C21orf91: variants seen among roughly 807,000 people sequenced by gnomAD.
The protein encoded by C21orf91 is chromosome 21 open reading frame 91.
Under a neutral mutation model 32.9 loss-of-function variants are expected in C21orf91, and 26 were observed. The observed-to-expected ratio is 0.79, with a 90% CI of 0.58 to 1.10. The LOEUF (loss-of-function observed/expected upper bound fraction) is 1.10. Among genes scored for constraint, C21orf91 ranks in the 50% least tolerant of loss-of-function variants. C21orf91 has a pLI of 0.00. For missense variants in C21orf91, 310 were observed against 341.3 expected (o/e 0.91, Z 0.72); for synonymous variants, 126 against 120.4 (o/e 1.05, Z -0.31).
At chr21:17,816,626 G>A (rs944745687) in intron 2 of C21orf91, among the ~76,000 whole-genome samples, 1 of 152,178 alleles carries the variant, frequency 6.6e-6, no homozygotes, top group African/African-American at 2.4e-5. Context: ...TTCTTAGGTC[G>A]CCAAGGTTCA....
At position 17,789,512 on chromosome 21, in the gene C21orf91, A is replaced by G. The variant is rs1308556090; in HGVS notation, c.*3903T>C. On this transcript the variant is annotated 3_prime_UTR_variant, in exon 5 of 5. Coordinates refer to ENST00000284881, the MANE Select transcript of C21orf91 (RefSeq NM_001100420.2). The stretch of plus-strand genomic sequence containing the variant: ...CATGAATTTTTGTTTACTTTGGTAA[A>G]CTTAAAATTGTGAAATAATTAAATA... 6.6e-6 allele frequency: 1 copy of G among 152,122 alleles called. No homozygotes were observed. The highest frequency in any genetic ancestry group is 2.4e-5 in the African/African-American group (1 of 41,440). 9.4% of individuals were successfully genotyped at this position (152,122 alleles called of 1,614,324 possible).
chr21:17,800,498 GAAAC>G (rs1363964073), intron 2 of C21orf91, among the ~76,000 whole-genome samples: 1 of 152,142 alleles, frequency 6.6e-6, no homozygotes, highest in African/African-American at 2.4e-5. Context: ...TATTATAGCA[GAAAC>G]AACCATTGCT....
chr21:17,805,619 A>C (rs1289250973), intron 2 of C21orf91, among the ~76,000 whole-genome samples: 1 of 152,090 alleles, frequency 6.6e-6, no homozygotes, highest in Non-Finnish European at 1.5e-5. Context: ...CAGCTAGCGT[A>C]CTGATATATT....
intron 2 of C21orf91, among the ~76,000 whole-genome samples, chr21:17,804,331 C>T (rs1042518521): frequency 6.6e-6 from 1 of 152,132 alleles, no homozygotes; most frequent in Non-Finnish European, 1.5e-5. Context: ...ATCTACTTCC[C>T]ACAAAAGGAC....
At chr21:17,802,465 G>T (rs1256639353) in intron 2 of C21orf91, among the ~76,000 whole-genome samples, 1 of 152,158 alleles carries the variant, frequency 6.6e-6, no homozygotes, top group African/African-American at 2.4e-5. Flanking sequence ...GGATCACAGT[G>T]GCGTGAGCCA....
At chr21:17,813,714 T>C (rs2062647473) in intron 2 of C21orf91, among the ~76,000 whole-genome samples, 3 of 152,260 alleles carry the variant, frequency 2.0e-5, no homozygotes, top group Admixed American at 2.0e-4. Context: ...GCATTCCAAA[T>C]AACAAAAATC....
At chr21:17,799,140 T>C (rs2062541625) in intron 2 of C21orf91, among the ~76,000 whole-genome samples, 1 of 152,160 alleles carries the variant, frequency 6.6e-6, no homozygotes, top group African/African-American at 2.4e-5. Context: ...TATTGTTATA[T>C]TTTGTGGGTT....
chr21:17,794,148 T>C (rs2062499817), intron 4 of C21orf91, among the ~76,000 whole-genome samples: 1 of 152,234 alleles, frequency 6.6e-6, no homozygotes, highest in African/African-American at 2.4e-5. Context: ...CTACTACAAC[T>C]ATTATTGTGA....
At position 17,789,050 on chromosome 21, in the gene C21orf91, A is replaced by T. The variant is rs1053639974; in HGVS notation, c.*4365T>A. 1 of 152,186 alleles carries T rather than the reference A, an allele frequency of 6.6e-6. No homozygotes were observed. Among genetic ancestry groups the T allele is most frequent in the Admixed American group, 6.5e-5 (1 of 15,268 alleles). 9.4% of individuals were successfully genotyped at this position (152,186 alleles called of 1,614,324 possible). The stretch of plus-strand genomic sequence containing the variant: ...ATATACAGTTCCCAAGCAGAGCAAT[A>T]CAAATATATAAATTATTGCAGTTTT... On this transcript the variant is annotated 3_prime_UTR_variant, in exon 5 of 5. Coordinates refer to ENST00000284881, the MANE Select transcript of C21orf91 (RefSeq NM_001100420.2).
chr21:17,795,731 C>T (rs1215949444), intron 3 of C21orf91, among the ~76,000 whole-genome samples: 1 of 152,072 alleles, frequency 6.6e-6, no homozygotes, highest in African/African-American at 2.4e-5. Flanking sequence ...CCTTGGCCTC[C>T]CAAAGTGCTG....
chr21:17,809,357 C>T (rs2062618015), intron 2 of C21orf91, among the ~76,000 whole-genome samples: 1 of 152,058 alleles, frequency 6.6e-6, no homozygotes, highest in African/African-American at 2.4e-5. Flanking sequence ...ACTGAAGATC[C>T]TCTTTAATAT....
Position 17,796,565 on chromosome 21 carries a change from C to T in C21orf91, c.664+17G>A. ...CCCAAACCACCCAACTTTTACTTTT[C>T]TCCCCATTTTACTTACATTCCTCTC... On this transcript the variant is annotated intron_variant, in intron 3 of 4. Coordinates refer to ENST00000284881, the MANE Select transcript of C21orf91 (RefSeq NM_001100420.2). 1 of 1,584,106 alleles carries T rather than the reference C, an allele frequency of 6.3e-7. No individual in the cohort carries two copies. Among genetic ancestry groups the T allele is most frequent in the Non-Finnish European group, 8.6e-7 (1 of 1,162,842 alleles).
At chr21:17,817,843 T>C (rs1198248836) in intron 2 of C21orf91, 3 of 168,638 alleles carry the variant, frequency 1.8e-5, no homozygotes, top group Non-Finnish European at 3.8e-5. Flanking sequence ...AATAAAAAAA[T>C]TGTTATGTTA....
At chr21:17,807,079 T>A (rs1159284242) in intron 2 of C21orf91, among the ~76,000 whole-genome samples, 1 of 152,224 alleles carries the variant, frequency 6.6e-6, no homozygotes. Context: ...AGGAATTATA[T>A]TTTATCTATA....
intron 3 of C21orf91, among the ~76,000 whole-genome samples, chr21:17,796,035 T>C (rs542182541): frequency 7.9e-5 from 12 of 152,342 alleles, no homozygotes; most frequent in Non-Finnish European, 1.2e-4. Flanking sequence ...TATAACAAGA[T>C]AGCAGAGGTC....
intron 4 of C21orf91, among the ~76,000 whole-genome samples, chr21:17,794,804 C>T (rs1325046251): frequency 6.6e-6 from 1 of 152,046 alleles, no homozygotes; most frequent in East Asian, 1.9e-4. Context: ...CAGTGGCTCA[C>T]ACCTGTAATG....
At chr21:17,818,124 C>T in intron 2 of C21orf91, 68 bp downstream of exon 2, 1 of 1,176,434 alleles carries the variant, frequency 8.5e-7, no homozygotes, top group Non-Finnish European at 1.2e-6. Flanking sequence ...TTAGTTTTAC[C>T]TTACAATCAG....
In C21orf91 at chr21:17,819,343, C is replaced by A. The variant is rs2062691450; in HGVS notation, c.-48G>T. On this transcript the variant is annotated 5_prime_UTR_variant, in exon 1 of 5. Coordinates refer to ENST00000284881, the MANE Select transcript of C21orf91 (RefSeq NM_001100420.2). ...GCCACCACCGCCGTTCCGTGCGGCT[C>A]GGGTTCCTCCACTATTGTTTCCGGC... The A allele has an allele frequency of 1.3e-5, 2 of 152,466 alleles. No individual in the cohort carries two copies. The highest frequency in any genetic ancestry group is 6.5e-5 in the Admixed American group (1 of 15,280). The allele number at this position is 152,466 out of a possible 1,614,324, so 9.4% of individuals were successfully genotyped here. A position where few individuals can be genotyped will look rare whatever the true frequency, so the allele number is the denominator to read the frequency against.
chr21:17,790,878 A>T lies in C21orf91; in HGVS notation c.*2537T>A, dbSNP rs1357323159. On this transcript the variant is annotated 3_prime_UTR_variant, in exon 5 of 5. Coordinates refer to ENST00000284881, the MANE Select transcript of C21orf91 (RefSeq NM_001100420.2). The stretch of plus-strand genomic sequence containing the variant: ...CAAATTATAAAACTGAACGTGAAAA[A>T]GATTTGTCTTATCTCACTCCCCTTA... The T allele has an allele frequency of 6.6e-6, 1 of 152,154 alleles. No individual in the cohort carries two copies. The highest frequency in any genetic ancestry group is 1.5e-5 in the Non-Finnish European group (1 of 67,960). 9.4% of individuals were successfully genotyped at this position (152,154 alleles called of 1,614,324 possible). A position where few individuals can be genotyped will look rare whatever the true frequency, so the allele number is the denominator to read the frequency against.
Sources: gnomAD v4.1 joint callset for allele counts (sites outside exome capture counted in the v4.1 genomes callset) on GRCh38, gnomAD v4.1.1 for gene constraint, MANE v1.5 for transcripts, NCBI Gene and HGNC (gene_info 2026-07-23, HGNC 2026-07-21) for gene names.